The following PRRC2C variants were observed in gnomAD, a reference collection of about 807,000 sequenced individuals.
The protein encoded by PRRC2C is protein PRRC2C.
In PRRC2C, 72 loss-of-function variants were observed where a neutral mutation model predicts 317.2. The observed-to-expected ratio is 0.23, with a 90% confidence interval of 0.19 to 0.28. PRRC2C has a LOEUF of 0.28. PRRC2C is among the 10% of genes least tolerant of loss of function. PRRC2C has a pLI of 1.00. For missense variants in PRRC2C, 3,074 were observed against 3,459.7 expected, an observed-to-expected ratio of 0.89 and a Z score of 2.80; for synonymous variants, 1,296 against 1,205.9, an observed-to-expected ratio of 1.07 and a Z score of -1.55.
intron 1 of PRRC2C, among the ~76,000 whole-genome samples, chr1:171,489,436 A>G (rs192252462): frequency 2.0e-5 from 3 of 152,328 alleles, no homozygotes; most frequent in Admixed American, 2.0e-4. Flanking sequence ...GTTAAAAGTT[A>G]TCTTGTAGTC....
intron 6 of PRRC2C, 90 bp from the exon 7 acceptor site, chr1:171,522,086 TC>T (rs1291627170): frequency 7.7e-6 from 4 of 519,946 alleles, no homozygotes; most frequent in Non-Finnish European, 1.3e-5. Context: ...AATTGTAACT[TC>T]AGGCCTAGGC....
At chr1:171,570,045 AGTT>A (rs1234016911) in intron 23 of PRRC2C, among the ~76,000 whole-genome samples, 7 of 152,176 alleles carry the variant, frequency 4.6e-5, no homozygotes, top group African/African-American at 9.7e-5. Flanking sequence ...GTCTGCATGC[AGTT>A]GTTAGCAGTG....
In PRRC2C at chr1:171,540,590, G is replaced by T; in HGVS notation, c.3124G>T (p.Glu1042Ter). The change falls in exon 16 of 35, where the codon GAA (glutamate) becomes TAA (stop). Residue 1042 changes from glutamate to a stop codon, truncating the protein, a stop_gained. Coordinates refer to ENST00000647382, the MANE Select transcript of PRRC2C (RefSeq NM_001387844.1). LOFTEE classifies it high-confidence loss of function. ...GAAGGAGAAAGAAGGAGAAAAGGCC[G>T]AAAAGGTCACTGAAAAAGTAGTTGT... is the stretch of plus-strand genomic sequence containing the variant. ...QRKEKEGEKAEKVTEKVVVKP... is the reference protein window; with the variant it reads ...QRKEKEGEKA 6.2e-7 allele frequency: 1 copy of T among 1,613,840 alleles called. No homozygotes were observed. Among genetic ancestry groups the T allele is most frequent in the Non-Finnish European group, 8.5e-7 (1 of 1,179,870 alleles).
In PRRC2C at chr1:171,566,829, G is replaced by A; in HGVS notation, c.6544G>A (p.Gly2182Ser). The change falls in exon 22 of 35, where the codon GGT becomes AGT. Residue 2182 changes from glycine (G) to serine (S), a missense_variant. Around this residue, in one of 11 missense-constraint regions of PRRC2C, gnomAD observed 640 missense variants for 676.1 expected, o/e 0.95. Transcript: ENST00000647382. Reference protein sequence around the residue: ...TMISVSSAEYGTNAKESVTDY... With the variant: ...TMISVSSAEYSTNAKESVTDY... The stretch of plus-strand genomic sequence containing the variant: ...GATCTCGGTATCATCTGCAGAATAT[G>A]GTACTAATGCAAAGGTAAGCCACAT... The A allele has an allele frequency of 6.2e-7, 1 of 1,612,676 alleles. No individual in the cohort carries two copies. Among genetic ancestry groups the A allele is most frequent in the South Asian group, 1.1e-5 (1 of 90,758 alleles).
In PRRC2C at chr1:171,512,018, A is replaced by G; in HGVS notation, c.-57-14A>G. ...TTTTTCATCCTTATTTTTCTTTCTT[A>G]TGTACATCTTAAGGACTGGGGTTTT... On this transcript the variant is annotated splice_polypyrimidine_tract_variant and intron_variant, in intron 1 of 34. Coordinates refer to ENST00000647382, the MANE Select transcript of PRRC2C (RefSeq NM_001387844.1). The G allele has an allele frequency of 1.3e-6, 1 of 761,032 alleles. No homozygotes were observed. Among genetic ancestry groups the G allele is most frequent in the South Asian group, 2.0e-5 (1 of 49,174 alleles). The allele number at this position is 761,032 out of a possible 1,614,324, so 47.1% of individuals were successfully genotyped here. A position where few individuals can be genotyped will look rare whatever the true frequency, so the allele number is the denominator to read the frequency against.
chr1:171,558,164 GA>G (rs751698569), intron 19 of PRRC2C, 21 bp downstream of exon 19: 2 of 1,593,022 alleles, frequency 1.3e-6, no homozygotes, highest in African/African-American at 1.3e-5. Context: ...AAAGAGAAGT[GA>G]GGGGTGGGGA....
Position 171,578,073 on chromosome 1 carries a change from G to A in PRRC2C, c.7159+436G>A, listed in dbSNP as rs147603388. ...AGCCTCCCAAAGTGCTGGAATTATA[G>A]GCATGAGCCACCTCACCCAGCCTAA... On this transcript the variant is annotated intron_variant, in intron 26 of 34. Coordinates refer to ENST00000647382, the MANE Select transcript of PRRC2C (RefSeq NM_001387844.1). Among the ~76,000 whole-genome samples the A allele has an allele frequency of 6.4e-3, 964 of 150,220 alleles. 10 individuals are homozygous for A. The highest frequency in any genetic ancestry group is 0.018 in the African/African-American group (752 of 40,914).
At chr1:171,525,679 T>C (rs1353004338) in intron 10 of PRRC2C, among the ~76,000 whole-genome samples, 1 of 152,134 alleles carries the variant, frequency 6.6e-6, no homozygotes, top group Admixed American at 6.6e-5. Flanking sequence ...AGTGGCGTAA[T>C]CATAGAGGGT....
intron 16 of PRRC2C, among the ~76,000 whole-genome samples, chr1:171,545,072 A>G (rs1678810547): frequency 6.6e-6 from 1 of 152,190 alleles, no homozygotes; most frequent in Non-Finnish European, 1.5e-5. Context: ...TAAATATAGA[A>G]TGCTTTTTAA....
intron 16 of PRRC2C, among the ~76,000 whole-genome samples, chr1:171,544,544 C>T (rs1678681366): frequency 6.6e-6 from 1 of 152,190 alleles, no homozygotes; most frequent in Non-Finnish European, 1.5e-5. Flanking sequence ...CCAAGAGAAT[C>T]AGGATAACCA....
At chr1:171,548,802 A>G (rs755138552) in intron 17 of PRRC2C, among the ~76,000 whole-genome samples, 3 of 152,212 alleles carry the variant, frequency 2.0e-5, no homozygotes, top group Non-Finnish European at 2.9e-5. Context: ...GTGTTCACCT[A>G]TGCCATCTTA....
At chr1:171,591,557 A>G in intron 34 of PRRC2C, 30 bp from the exon 35 acceptor site, 1 of 1,603,690 alleles carries the variant, frequency 6.2e-7, no homozygotes, top group African/African-American at 1.3e-5. Flanking sequence ...ATGCTGCAGT[A>G]TTTTCAGTTG....
At chr1:171,491,841 A>C (rs1174259130) in intron 1 of PRRC2C, among the ~76,000 whole-genome samples, 1 of 152,164 alleles carries the variant, frequency 6.6e-6, no homozygotes, top group Non-Finnish European at 1.5e-5. Context: ...AAAACTTTGT[A>C]ATTTTGGGGT....
intron 14 of PRRC2C, among the ~76,000 whole-genome samples, chr1:171,536,586 T>C (rs544140885): frequency 2.6e-5 from 4 of 152,236 alleles, no homozygotes; most frequent in Admixed American, 6.5e-5. Flanking sequence ...GTTTTCAGCG[T>C]TTGAATTTTG....
intron 11 of PRRC2C, among the ~76,000 whole-genome samples, chr1:171,530,931 A>G (rs1675734903): frequency 1.3e-5 from 2 of 152,224 alleles, no homozygotes; most frequent in South Asian, 4.1e-4. Flanking sequence ...ATTTACACAA[A>G]GACTTACGCA....
chr1:171,537,227 A>C (rs757929664), intron 14 of PRRC2C, 36 bp from the exon 15 acceptor site: 1 of 1,476,720 alleles, frequency 6.8e-7, no homozygotes, highest in Non-Finnish European at 9.3e-7. Context: ...ATTTTTCAAA[A>C]TCCTCATTTC....
At chr1:171,555,094 T>TAC (rs1681096174) in intron 18 of PRRC2C, among the ~76,000 whole-genome samples, 1 of 152,252 alleles carries the variant, frequency 6.6e-6, no homozygotes. Context: ...CACTTTCAGG[T>TAC]ACACTAATCA....
chr1:171,569,168 A>T (rs12078309), intron 23 of PRRC2C, among the ~76,000 whole-genome samples: 45,038 of 151,950 alleles, frequency 0.3, 7,374 homozygotes, highest in East Asian at 0.59. Flanking sequence ...CTCTGTTTTA[A>T]ATATAGCCTT....
chr1:171,562,450 A>C (rs945458004), intron 20 of PRRC2C, among the ~76,000 whole-genome samples: 3 of 152,146 alleles, frequency 2.0e-5, no homozygotes, highest in African/African-American at 7.2e-5. Flanking sequence ...AAAATAATTC[A>C]TAGGTGGCAA....
Sources: allele counts gnomAD v4.1 joint callset (sites outside exome capture counted in the v4.1 genomes callset), GRCh38; gene constraint gnomAD v4.1.1; regional missense constraint gnomAD v4.1.1; transcripts MANE v1.5; gene names NCBI Gene and HGNC (gene_info 2026-07-23, HGNC 2026-07-21).